The following ADSS2 variants were observed in gnomAD, a reference collection of about 807,000 sequenced individuals.
ADSS2 encodes the protein adenylosuccinate synthetase isozyme 2.
A neutral mutation model predicts 60.0 loss-of-function variants in ADSS2; 30 were observed. The observed-to-expected ratio is 0.50, with a 90% confidence interval of 0.37 to 0.68. The LOEUF is 0.68. Ranked by LOEUF, ADSS2 falls within the 30% of genes least tolerant of loss-of-function variation. ADSS2 has a pLI of 0.00. For synonymous variants in ADSS2, 187 were observed against 193.1 expected, an observed-to-expected ratio of 0.97 and a Z score of 0.26; for missense variants, 373 against 554.8, an observed-to-expected ratio of 0.67 and a Z score of 3.29.
At chr1:244,420,126 G>A (rs754388754) in intron 8 of ADSS2, 44 bp downstream of exon 8, 3 of 1,572,016 alleles carry the variant, frequency 1.9e-6, no homozygotes, top group Non-Finnish European at 2.6e-6. Context: ...TAACTACTTA[G>A]GGCTCAGTTA....
At chr1:244,452,051 G>A (rs1302459739), upstream of ADSS2, 2 of 369,968 alleles carry the variant, frequency 5.4e-6, no homozygotes, top group Non-Finnish European at 9.5e-6. Flanking sequence ...AGCACCGCCC[G>A]CAGGAAGAGG....
intron 10 of ADSS2, among the ~76,000 whole-genome samples, chr1:244,416,463 G>A (rs1664536187): frequency 6.6e-6 from 1 of 152,090 alleles, no homozygotes; most frequent in Non-Finnish European, 1.5e-5. Flanking sequence ...GACTACAGGC[G>A]TGTGCCACCA....
rs1056769875 is a variant in ADSS2 at position 244,442,060 on chromosome 1, C to T, written c.184-4292G>A. ...CCCTTAAAGTAGGTCTCCTAATTTA[C>T]ACAAAATTACTTTTATAGCTATACC... On this transcript the variant is annotated intron_variant, in intron 1 of 12. Coordinates refer to ENST00000366535, the MANE Select transcript of ADSS2 (RefSeq NM_001126.5). 4.6e-5 allele frequency among the ~76,000 whole-genome samples: 7 copies of T among 152,278 alleles called. No individual in the cohort carries two copies. In the South Asian group the frequency reaches 1.5e-3, roughly 32 times the overall value.
rs1363506647 is a variant in ADSS2 at position 244,422,846 on chromosome 1, G to C, written c.652C>G (p.Gln218Glu). The part of the protein sequence containing the change: ...TLEIDIEGEL[Q>E]KLKGYMEKIK... ...CCAGAAAGCATTACCTTGAGTTTTT[G>C]TAATTCACCTTCAATGTCTATTTCC... Residue 218 changes from glutamine (Q) to glutamate (E), a missense_variant, in exon 7 of 13, where the codon CAA becomes GAA. By Grantham distance (29) the Gln-to-Glu change is conservative (BLOSUM62 2). Around this residue, in one of 5 missense-constraint regions of ADSS2, gnomAD observed 139 missense variants for 189.4 expected, o/e 0.73. Transcript: ENST00000366535. The C allele has an allele frequency of 1.3e-5, 20 of 1,593,710 alleles. No individual in the cohort carries two copies. Among genetic ancestry groups the C allele is most frequent in the Non-Finnish European group, 1.7e-5 (20 of 1,162,428 alleles).
At chr1:244,436,554 C>T (rs954295060) in intron 3 of ADSS2, among the ~76,000 whole-genome samples, 1 of 152,134 alleles carries the variant, frequency 6.6e-6, no homozygotes, top group Non-Finnish European at 1.5e-5. Flanking sequence ...AGTTTTGTCA[C>T]CCACATATTG....
intron 3 of ADSS2, among the ~76,000 whole-genome samples, chr1:244,434,712 G>A (rs1250296332): frequency 2.6e-5 from 4 of 152,086 alleles, no homozygotes; most frequent in Non-Finnish European, 2.9e-5. Context: ...GAAGGAAAAA[G>A]GGAGTAGGAC....
chr1:244,413,733 C>T (rs1350435173), intron 11 of ADSS2, among the ~76,000 whole-genome samples: 1 of 152,132 alleles, frequency 6.6e-6, no homozygotes, highest in South Asian at 2.1e-4. Context: ...CAGACCTCAG[C>T]TGCTACACAG....
At chr1:244,416,832 T>G (rs1479545658) in intron 10 of ADSS2, among the ~76,000 whole-genome samples, 3 of 151,940 alleles carry the variant, frequency 2.0e-5, no homozygotes, top group Admixed American at 6.6e-5. Flanking sequence ...TGTCAAAGAG[T>G]GAGAAAAACC....
intron 11 of ADSS2, among the ~76,000 whole-genome samples, chr1:244,412,901 T>C (rs1664446465): frequency 6.6e-6 from 1 of 152,204 alleles, no homozygotes. Flanking sequence ...TTGAAGATGA[T>C]GCAGAGGCCT....
chr1:244,450,489 T>C (rs6667957), intron 1 of ADSS2, among the ~76,000 whole-genome samples: 57,902 of 152,134 alleles, frequency 0.38, 11,502 homozygotes, highest in Admixed American at 0.43. Flanking sequence ...TGTGATTTCA[T>C]TGTTTCTGCA....
chr1:244,417,744 T>A lies in ADSS2; in HGVS notation c.954A>T (p.Gly318=). Residue 318 remains glycine, a synonymous_variant, in exon 10 of 13, where the codon GGA becomes GGT. Coordinates refer to ENST00000366535, the MANE Select transcript of ADSS2 (RefSeq NM_001126.5). The part of the protein sequence containing the change: ...AFPTEQDNEI[G]ELLQTRGREF... ...CTCTACCCCTTGTTTGTAATAATTC[T>A]CCAATTTCCTACAGAACAGAAAATT... The A allele has an allele frequency of 6.2e-7, 1 of 1,613,290 alleles. No individual in the cohort carries two copies. Among genetic ancestry groups the A allele is most frequent in the Non-Finnish European group, 8.5e-7 (1 of 1,179,394 alleles).
intron 3 of ADSS2, 28 bp downstream of exon 3, chr1:244,436,797 G>C (rs750699228): frequency 9.6e-6 from 15 of 1,566,824 alleles, no homozygotes; most frequent in African/African-American, 6.8e-5. Context: ...AGAACAACTG[G>C]TTACCAAGTA....
intron 5 of ADSS2, 75 bp from the exon 6 acceptor site, chr1:244,424,135 A>C (rs1385617402): frequency 1.6e-6 from 2 of 1,269,916 alleles, no homozygotes; most frequent in Non-Finnish European, 1.1e-6. Flanking sequence ...ATTGCAGTGA[A>C]TAAAGTTACA....
At position 244,417,854 on chromosome 1, in the gene ADSS2, C is replaced by A. The variant is rs6661148; in HGVS notation, c.946-102G>T. 0.046 allele frequency: 51,209 copies of A among 1,114,284 alleles called. 4,074 individuals carry two copies. Among genetic ancestry groups the A allele is most frequent in the East Asian group, 0.4 (15,251 of 38,578 alleles). 69.0% of individuals were successfully genotyped at this position (1,114,284 alleles called of 1,614,324 possible). A position where few individuals can be genotyped will look rare whatever the true frequency, so the allele number is the denominator to read the frequency against. On this transcript the variant is annotated intron_variant, in intron 9 of 12. Coordinates refer to ENST00000366535, the MANE Select transcript of ADSS2 (RefSeq NM_001126.5). ...CATAGCAAAGCCTCTTTGAGATAAACATCTTTCAGGTAATAACTAAATTGA... is the reference window on the plus strand; with the variant it reads ...CATAGCAAAGCCTCTTTGAGATAAAAATCTTTCAGGTAATAACTAAATTGA...
At chr1:244,440,397 A>G (rs1665207548) in intron 1 of ADSS2, among the ~76,000 whole-genome samples, 1 of 152,220 alleles carries the variant, frequency 6.6e-6, no homozygotes, top group African/African-American at 2.4e-5. Flanking sequence ...GTATAAAGCA[A>G]AGAACTCTTT....
chr1:244,429,133 T>G (rs4132572), intron 4 of ADSS2, among the ~76,000 whole-genome samples: 5 of 152,102 alleles, frequency 3.3e-5, no homozygotes, highest in African/African-American at 1.2e-4. Context: ...TAAAATTCTT[T>G]CCTTTGTGGA....
chr1:244,423,950 T>G lies in ADSS2; in HGVS notation c.581+3A>C. The G allele has an allele frequency of 1.2e-6, 2 of 1,603,590 alleles. No homozygotes were observed. Among genetic ancestry groups the G allele is most frequent in the Non-Finnish European group, 1.7e-6 (2 of 1,175,938 alleles). On this transcript the variant is annotated splice_donor_region_variant and intron_variant, in intron 6 of 12. Transcript: ENST00000366535. ...CTTCCATTTTGAAACACAAGTTAGTTACCTCTCAGAGAAGCCATCAAAGTC... is the reference window on the plus strand; with the variant it reads ...CTTCCATTTTGAAACACAAGTTAGTGACCTCTCAGAGAAGCCATCAAAGTC...
chr1:244,447,084 T>C (rs2148016318), intron 1 of ADSS2, among the ~76,000 whole-genome samples: 1 of 152,314 alleles, frequency 6.6e-6, no homozygotes, highest in African/African-American at 2.4e-5. Context: ...CCCCTTCATT[T>C]ATTGTTCTTT....
At chr1:244,451,928 CG>C (rs1290825007), upstream of ADSS2, 1 of 1,172,802 alleles carries the variant, frequency 8.5e-7, no homozygotes, top group African/African-American at 1.6e-5. The surrounding 1 kb of genome is among the most constrained non-coding windows in gnomAD (Gnocchi z 6.6). Context: ...AGCCAGAGGC[CG>C]GCCCCGCCCC....
Sources: gnomAD v4.1 joint callset for allele counts (sites outside exome capture counted in the v4.1 genomes callset) on GRCh38, gnomAD v4.1.1 for gene constraint, gnomAD v4.1.1 regional missense constraint, Gnocchi (gnomAD v3.1) non-coding constraint, MANE v1.5 for transcripts, NCBI Gene and HGNC (gene_info 2026-07-23, HGNC 2026-07-21) for gene names.